RIMS2: variants seen among roughly 807,000 people sequenced by gnomAD.
RIMS2 encodes the protein regulating synaptic membrane exocytosis protein 2.
A neutral mutation model predicts 174.4 loss-of-function variants in RIMS2; 59 were observed. The ratio of observed to expected loss-of-function variants is 0.34; its 90% CI spans 0.27 to 0.42. The LOEUF is 0.42. Ranked by LOEUF, RIMS2 falls within the 10% of genes least tolerant of loss-of-function variation. The pLI, the probability that RIMS2 is intolerant of heterozygous loss-of-function variation, is 1.00. For synonymous variants in RIMS2, 606 were observed against 572.5 expected, an observed-to-expected ratio of 1.06 and a Z score of -0.84; for missense variants, 1,620 against 1,666.3, an observed-to-expected ratio of 0.97 and a Z score of 0.48.
chr8:103,837,913 C>T (rs1013277194), intron 3 of RIMS2, among the ~76,000 whole-genome samples: 2 of 150,858 alleles, frequency 1.3e-5, no homozygotes, highest in African/African-American at 4.9e-5. Context: ...CCTCATAGTG[C>T]CCCGCATTTT....
At chr8:103,792,099 C>T (rs535208070) in intron 3 of RIMS2, among the ~76,000 whole-genome samples, 1 of 152,282 alleles carries the variant, frequency 6.6e-6, no homozygotes, top group South Asian at 2.1e-4. Flanking sequence ...AGTCTCCACC[C>T]CAAATCAACA....
chr8:103,788,689 A>T (rs2154440990), intron 3 of RIMS2, among the ~76,000 whole-genome samples: 2 of 152,012 alleles, frequency 1.3e-5, no homozygotes, highest in African/African-American at 4.8e-5. Flanking sequence ...TCAGACAGGG[A>T]CATTTAAGTC....
At chr8:104,018,855 T>G (rs1383703485) in intron 19 of RIMS2, among the ~76,000 whole-genome samples, 1 of 152,214 alleles carries the variant, frequency 6.6e-6, no homozygotes, top group Non-Finnish European at 1.5e-5. Context: ...TCAATATTAC[T>G]CTAACATTTA....
chr8:103,748,544 A>T (rs2097848728), intron 2 of RIMS2, among the ~76,000 whole-genome samples: 1 of 152,112 alleles, frequency 6.6e-6, no homozygotes, highest in African/African-American at 2.4e-5. Context: ...CTGAATTAAC[A>T]TTCCTTCTTT....
chr8:104,151,436 A>G (rs1302893263), intron 19 of RIMS2, among the ~76,000 whole-genome samples: 9 of 152,064 alleles, frequency 5.9e-5, no homozygotes, highest in Admixed American at 5.2e-4. Flanking sequence ...CCTCATGATG[A>G]CTTATGCCTG....
chr8:103,908,867 T>C (rs576255738), intron 4 of RIMS2, among the ~76,000 whole-genome samples: 2 of 152,336 alleles, frequency 1.3e-5, no homozygotes, highest in African/African-American at 2.4e-5. Context: ...CTTAAAATCC[T>C]TCAGTGTTTG....
intron 1 of RIMS2, among the ~76,000 whole-genome samples, chr8:103,651,955 C>T (rs2096459786): frequency 6.6e-6 from 1 of 151,916 alleles, no homozygotes. Flanking sequence ...ATTCAGAAAA[C>T]TTCAGGACCA....
At chr8:104,170,597 G>GT (rs908130786) in intron 19 of RIMS2, among the ~76,000 whole-genome samples, 6 of 151,954 alleles carry the variant, frequency 3.9e-5, no homozygotes, top group African/African-American at 1.4e-4. Flanking sequence ...TTGGTTGGTG[G>GT]TTTTTTATCC....
chr8:103,793,047 A>G (rs566426885), intron 3 of RIMS2, among the ~76,000 whole-genome samples: 4 of 152,206 alleles, frequency 2.6e-5, no homozygotes, highest in Non-Finnish European at 4.4e-5. Flanking sequence ...ATTCCAATCA[A>G]TAGAAAAAGA....
chr8:104,016,643 AC>A (rs1344377208), intron 19 of RIMS2, among the ~76,000 whole-genome samples: 2 of 152,064 alleles, frequency 1.3e-5, no homozygotes, highest in Non-Finnish European at 2.9e-5. Flanking sequence ...TATTTATGGA[AC>A]TTTTTGTCTC....
chr8:104,097,038 A>G (rs759240389), intron 19 of RIMS2, among the ~76,000 whole-genome samples: 3 of 152,200 alleles, frequency 2.0e-5, no homozygotes, highest in African/African-American at 7.2e-5. Flanking sequence ...TTGGTAGTTG[A>G]TAAACACAAT....
intron 1 of RIMS2, among the ~76,000 whole-genome samples, chr8:103,505,386 C>T (rs1033269667): frequency 1.3e-5 from 2 of 152,056 alleles, no homozygotes; most frequent in Non-Finnish European, 2.9e-5. Flanking sequence ...GAGGTCAGTT[C>T]CACATCTGTG....
chr8:103,532,264 A>G (rs1270121432), intron 1 of RIMS2, among the ~76,000 whole-genome samples: 2 of 152,194 alleles, frequency 1.3e-5, no homozygotes, highest in Non-Finnish European at 2.9e-5. Context: ...CCCAGGAGGG[A>G]AGGAAAAAGT....
chr8:104,009,544 G>A (rs539560438), intron 17 of RIMS2, among the ~76,000 whole-genome samples: 2 of 152,070 alleles, frequency 1.3e-5, no homozygotes, highest in East Asian at 3.9e-4. Flanking sequence ...CCATCTGTCT[G>A]CCTCAATCTG....
chr8:104,027,924 T>A (rs1356173202), intron 19 of RIMS2, among the ~76,000 whole-genome samples: 1 of 152,044 alleles, frequency 6.6e-6, no homozygotes, highest in East Asian at 1.9e-4. Flanking sequence ...TACTAATAAA[T>A]GAATTTATGC....
At position 104,212,796 on chromosome 8, in the gene RIMS2, C is replaced by T. The variant is rs116743904; in HGVS notation, c.3335-32120C>T. Among the ~76,000 whole-genome samples, 694 of 152,140 alleles carry T rather than the reference C, an allele frequency of 4.6e-3. 9 individuals carry two copies. Among genetic ancestry groups the T allele is most frequent in the African/African-American group, 0.016 (652 of 41,506 alleles). On this transcript the variant is annotated intron_variant, in intron 19 of 23. Transcript: ENST00000504942. ...CTGAGTGGAACTTAGATTGAATGAC[C>T]TAAAAAAGTGAACACTCTCCTCATA...
chr8:104,155,181 AC>A, intron 19 of RIMS2, among the ~76,000 whole-genome samples: 1 of 152,026 alleles, frequency 6.6e-6, no homozygotes, highest in Non-Finnish European at 1.5e-5. Flanking sequence ...ATCTCACCTC[AC>A]TGCAAGCTCC....
chr8:104,206,878 T>C (rs1487703426), intron 19 of RIMS2, among the ~76,000 whole-genome samples: 1 of 152,238 alleles, frequency 6.6e-6, no homozygotes, highest in Admixed American at 6.5e-5. Context: ...AAGGGAGGGA[T>C]AGAAGGTAGT....
chr8:104,052,344 A>T (rs1315817320), intron 19 of RIMS2, among the ~76,000 whole-genome samples: 1 of 152,174 alleles, frequency 6.6e-6, no homozygotes, highest in East Asian at 1.9e-4. Flanking sequence ...CTAATAGAAA[A>T]AATAATTTAC....
Sources: allele counts gnomAD v4.1 joint callset (sites outside exome capture counted in the v4.1 genomes callset), GRCh38; gene constraint gnomAD v4.1.1; transcripts MANE v1.5; gene names NCBI Gene and HGNC (gene_info 2026-07-23, HGNC 2026-07-21).